Variants in STXBP5L observed in about 807,000 individuals in gnomAD.
STXBP5L encodes the protein syntaxin-binding protein 5-like.
A neutral mutation model predicts 144.5 loss-of-function variants in STXBP5L; 65 were observed. That is an observed-to-expected ratio of 0.45 (90% CI 0.37 to 0.55). The LOEUF is 0.55. STXBP5L is among the 20% of genes least tolerant of loss of function. The pLI, the probability that STXBP5L is intolerant of heterozygous loss-of-function variation, is 0.00. For synonymous variants in STXBP5L, 505 were observed against 469.6 expected (o/e 1.08, Z -0.97); for missense variants, 1,298 against 1,405.5 (o/e 0.92, Z 1.22).
intron 19 of STXBP5L, among the ~76,000 whole-genome samples, chr3:121,304,883 A>G (rs2043285247): frequency 6.6e-6 from 1 of 152,096 alleles, no homozygotes; most frequent in East Asian, 1.9e-4. Flanking sequence ...AGGTCAAACC[A>G]GAGTAGATCA....
At chr3:121,334,994 C>A (rs111467200) in intron 20 of STXBP5L, among the ~76,000 whole-genome samples, 1 of 152,078 alleles carries the variant, frequency 6.6e-6, no homozygotes, top group Non-Finnish European at 1.5e-5. Context: ...AGCATTCAAA[C>A]AAGAAGAGAG....
rs763247609 is a variant in STXBP5L, at chr3:121,121,649, A to G, written c.614A>G (p.Lys205Arg). 3 of 1,604,320 alleles carry G rather than the reference A, an allele frequency of 1.9e-6. No homozygotes were observed. Among genetic ancestry groups the G allele is most frequent in the Non-Finnish European group, 1.7e-6 (2 of 1,173,146 alleles). ...MWNKAIELST[K>R]THPGPVVHLS... ...TTGAATTGATTTAACAGATCCACTA[A>G]GACTCATCCAGGTCCAGTTGTACAT... Residue 205 changes from lysine (K) to arginine (R), a missense_variant, in exon 7 of 27, where the codon AAG becomes AGG. Physicochemically the swap from Lys to Arg is conservative, Grantham distance 26 (BLOSUM62 2). Transcript: ENST00000471454.
In STXBP5L at chr3:120,946,970, G is replaced by T. The variant is rs143061175; in HGVS notation, c.190-7970G>T. On this transcript the variant is annotated intron_variant, in intron 2 of 26. Coordinates refer to ENST00000471454, the MANE Select transcript of STXBP5L (RefSeq NM_001308330.2). ...TCCTTAACTCAGGGTAGTATGACTA[G>T]CCCTCCCACATATTTGTAACTAATT... 3.0e-3 allele frequency among the ~76,000 whole-genome samples: 461 copies of T among 151,760 alleles called. 2 individuals are homozygous for T. Among genetic ancestry groups the T allele is most frequent in the African/African-American group, 0.01 (430 of 41,462 alleles).
chr3:121,161,756 C>G (rs942364444), intron 9 of STXBP5L, among the ~76,000 whole-genome samples: 42 of 152,172 alleles, frequency 2.8e-4, no homozygotes, highest in African/African-American at 9.4e-4. Context: ...TGCAATCATA[C>G]ACACATACAT....
chr3:121,327,461 A>G (rs547066075), intron 20 of STXBP5L, among the ~76,000 whole-genome samples: 1 of 152,302 alleles, frequency 6.6e-6, no homozygotes, highest in African/African-American at 2.4e-5. Context: ...TCTTTAGGCC[A>G]GAATTTACAG....
intron 14 of STXBP5L, among the ~76,000 whole-genome samples, chr3:121,244,760 AGAAG>A (rs1357387175): frequency 6.6e-6 from 1 of 152,182 alleles, no homozygotes; most frequent in East Asian, 1.9e-4. Context: ...ATGGCAGACT[AGAAG>A]GGAGTGGGAT....
chr3:121,068,476 A>AT (rs1427076360), intron 5 of STXBP5L, among the ~76,000 whole-genome samples: 8 of 151,964 alleles, frequency 5.3e-5, no homozygotes, highest in East Asian at 1.9e-4. Flanking sequence ...ATTAATATGT[A>AT]TTTTTTCACG....
chr3:121,401,947 G>T (rs1332124402), intron 22 of STXBP5L, among the ~76,000 whole-genome samples: 1 of 150,846 alleles, frequency 6.6e-6, no homozygotes, highest in Non-Finnish European at 1.5e-5. Flanking sequence ...AATGGTGGAG[G>T]ACAATGAGCA....
At chr3:121,165,830 G>A (rs2046477703) in intron 9 of STXBP5L, among the ~76,000 whole-genome samples, 1 of 152,072 alleles carries the variant, frequency 6.6e-6, no homozygotes, top group South Asian at 2.1e-4. Context: ...GGGCAGGCCG[G>A]TTGGAGATTC....
At chr3:121,010,067 A>T (rs552798725) in intron 3 of STXBP5L, among the ~76,000 whole-genome samples, 4 of 151,998 alleles carry the variant, frequency 2.6e-5, no homozygotes, top group Admixed American at 2.6e-4. Flanking sequence ...ATTTGTAGGA[A>T]TTTACAGTTG....
chr3:120,940,515 A>G (rs914995465), intron 2 of STXBP5L, among the ~76,000 whole-genome samples: 3 of 151,994 alleles, frequency 2.0e-5, no homozygotes, highest in African/African-American at 7.2e-5. Flanking sequence ...GTCAAAGTGT[A>G]TGATAAATTG....
At chr3:121,284,743 A>G (rs1360155466) in intron 19 of STXBP5L, among the ~76,000 whole-genome samples, 1 of 152,112 alleles carries the variant, frequency 6.6e-6, no homozygotes, top group African/African-American at 2.4e-5. Flanking sequence ...AAGTAATCAT[A>G]GTTTCTAACT....
intron 18 of STXBP5L, among the ~76,000 whole-genome samples, chr3:121,267,883 T>G (rs940866762): frequency 6.6e-6 from 1 of 152,024 alleles, no homozygotes; most frequent in African/African-American, 2.4e-5. Context: ...GTTAGAATGG[T>G]GATTATTAAA....
At chr3:120,968,088 C>G (rs1376755979) in intron 3 of STXBP5L, among the ~76,000 whole-genome samples, 2 of 152,068 alleles carry the variant, frequency 1.3e-5, no homozygotes, top group Non-Finnish European at 2.9e-5. Context: ...CTATTGGATG[C>G]AATGTTCTAT....
chr3:120,972,385 A>C (rs1441676592), intron 3 of STXBP5L, among the ~76,000 whole-genome samples: 1 of 152,126 alleles, frequency 6.6e-6, no homozygotes, highest in Admixed American at 6.6e-5. Context: ...TTATTGGTGT[A>C]TATAAATGGT....
chr3:120,997,860 G>A (rs1424130851), intron 3 of STXBP5L, among the ~76,000 whole-genome samples: 8 of 151,984 alleles, frequency 5.3e-5, no homozygotes, highest in South Asian at 2.1e-4. Context: ...TGAATTCAGC[G>A]GCACATCAAA....
chr3:121,229,824 G>C (rs2049245082), intron 11 of STXBP5L, among the ~76,000 whole-genome samples: 1 of 152,174 alleles, frequency 6.6e-6, no homozygotes, highest in Admixed American at 6.5e-5. Context: ...AAAGTGCTGA[G>C]AGTATAGGCT....
chr3:121,376,287 C>T (rs2046181257), intron 20 of STXBP5L, among the ~76,000 whole-genome samples: 1 of 152,166 alleles, frequency 6.6e-6, no homozygotes, highest in Admixed American at 6.6e-5. Context: ...TAGCCTGGCC[C>T]CAGAACCAAT....
At chr3:120,951,547 T>G (rs997917176) in intron 2 of STXBP5L, among the ~76,000 whole-genome samples, 2 of 152,048 alleles carry the variant, frequency 1.3e-5, no homozygotes, top group African/African-American at 4.8e-5. Context: ...AAAAAACACA[T>G]GAAAAAATGC....
Sources: gnomAD v4.1 joint callset for allele counts (sites outside exome capture counted in the v4.1 genomes callset) on GRCh38, gnomAD v4.1.1 for gene constraint, MANE v1.5 for transcripts, NCBI Gene and HGNC (gene_info 2026-07-23, HGNC 2026-07-21) for gene names.